Variants in SLC25A33 observed in about 807,000 individuals in gnomAD.
The protein encoded by SLC25A33 is solute carrier family 25 member 33, also known as bone marrow stromal cell mitochondrial carrier protein.
Under a neutral mutation model 35.5 loss-of-function variants are expected in SLC25A33, and 15 were observed. The observed-to-expected ratio is 0.42, with a 90% confidence interval of 0.28 to 0.65. The LOEUF (loss-of-function observed/expected upper bound fraction) is 0.65. Ranked by LOEUF, SLC25A33 falls within the 30% of genes least tolerant of loss-of-function variation. The pLI is 0.20. For synonymous variants in SLC25A33, 136 were observed against 148.7 expected (o/e 0.91, Z 0.62); for missense variants, 257 against 398.5 (o/e 0.64, Z 3.02).
chr1:9,579,883 C>T (rs1413005504), intron 5 of SLC25A33, 71 bp from the exon 6 acceptor site: 12 of 1,519,176 alleles, frequency 7.9e-6, no homozygotes, highest in East Asian at 6.8e-5. Context: ...TACCTGTTCT[C>T]CTACTGTGTG....
chr1:9,567,258 A>T (rs1643521536), intron 2 of SLC25A33, 26 bp from the exon 3 acceptor site: 1 of 1,606,244 alleles, frequency 6.2e-7, no homozygotes, highest in African/African-American at 1.3e-5. Context: ...AGGGGTTTTA[A>T]AGGTTTGTCT....
chr1:9,547,164 G>C (rs890749106), intron 1 of SLC25A33, among the ~76,000 whole-genome samples: 5 of 152,072 alleles, frequency 3.3e-5, no homozygotes, highest in Non-Finnish European at 5.9e-5. Context: ...TAAGAAATTA[G>C]GGATCTTCGC....
intron 5 of SLC25A33, chr1:9,576,939 G>C: frequency 1.5e-6 from 2 of 1,293,456 alleles, no homozygotes; most frequent in South Asian, 2.4e-5. Flanking sequence ...TTTGGGGATG[G>C]TATCTATGTC....
intron 1 of SLC25A33, among the ~76,000 whole-genome samples, chr1:9,550,565 T>C (rs1009360545): frequency 6.6e-6 from 1 of 152,178 alleles, no homozygotes; most frequent in South Asian, 2.1e-4. Context: ...TATCTTTAAA[T>C]GTTATACTTT....
At chr1:9,539,983 C>T (rs1643052724) in intron 1 of SLC25A33, among the ~76,000 whole-genome samples, 1 of 152,158 alleles carries the variant, frequency 6.6e-6, no homozygotes. Context: ...TGCCCCGCCG[C>T]CCGTCCTCCC....
At chr1:9,575,180 T>A (rs1569875112) in intron 5 of SLC25A33, among the ~76,000 whole-genome samples, 1 of 125,106 alleles carries the variant, frequency 8.0e-6, no homozygotes, top group Non-Finnish European at 1.6e-5. Context: ...GCCACTGCAC[T>A]CCAGCCTGGG....
At position 9,582,398 on chromosome 1, in the gene SLC25A33, A is replaced by G; in HGVS notation, c.863A>G (p.Tyr288Cys). Residue 288 changes from tyrosine to cysteine, a missense_variant, in exon 7 of 7, where the codon TAT becomes TGT. Coordinates refer to ENST00000302692, the MANE Select transcript of SLC25A33 (RefSeq NM_032315.3). This position sits in a 1 kb window ranked among gnomAD's most constrained non-coding sequence, Gnocchi z 4.0. Reference protein sequence around the residue: ...VFREEGYLAFYRGLFAQLIRQ... With the variant: ...VFREEGYLAFCRGLFAQLIRQ... ...CGGGAAGAAGGCTACCTTGCCTTTT[A>G]TAGAGGACTGTTTGCCCAGCTTATC... 1.2e-6 allele frequency: 2 copies of G among 1,614,012 alleles called. No individual in the cohort carries two copies. The highest frequency in any genetic ancestry group is 1.7e-6 in the Non-Finnish European group (2 of 1,179,872).
chr1:9,552,699 A>G (rs1427163177), intron 1 of SLC25A33, among the ~76,000 whole-genome samples: 2 of 152,170 alleles, frequency 1.3e-5, no homozygotes, highest in African/African-American at 4.8e-5. Context: ...AATGTCCAAC[A>G]GTAGGAAATT....
chr1:9,573,648 C>G (rs1643620626), intron 5 of SLC25A33, among the ~76,000 whole-genome samples: 1 of 152,084 alleles, frequency 6.6e-6, no homozygotes, highest in Non-Finnish European at 1.5e-5. Flanking sequence ...TGGTTGTGTC[C>G]CCTGATCCGC....
chr1:9,546,286 G>C (rs1026192146), intron 1 of SLC25A33, among the ~76,000 whole-genome samples: 1 of 142,542 alleles, frequency 7.0e-6, no homozygotes, highest in Admixed American at 7.5e-5. Context: ...CCGGGTTCAC[G>C]CCATTCTCCT....
chr1:9,577,594 G>A (rs890562272), intron 5 of SLC25A33, among the ~76,000 whole-genome samples: 1 of 152,198 alleles, frequency 6.6e-6, no homozygotes, highest in African/African-American at 2.4e-5. Context: ...GGGAGTTATG[G>A]AAGAATAAGG....
At chr1:9,577,119 G>A (rs1306553304) in intron 5 of SLC25A33, 1 of 489,900 alleles carries the variant, frequency 2.0e-6, no homozygotes, top group Non-Finnish European at 3.7e-6. Flanking sequence ...GCAGAGAAGA[G>A]TCTTTTGGGC....
At chr1:9,546,110 A>G (rs1244439162) in intron 1 of SLC25A33, among the ~76,000 whole-genome samples, 1 of 151,504 alleles carries the variant, frequency 6.6e-6, no homozygotes, top group African/African-American at 2.4e-5. Context: ...AATTGTTCCT[A>G]GCTTTCCTCC....
intron 2 of SLC25A33, among the ~76,000 whole-genome samples, chr1:9,561,132 CG>C (rs1202817380): frequency 6.6e-6 from 1 of 151,912 alleles, no homozygotes; most frequent in Non-Finnish European, 1.5e-5. Flanking sequence ...TTAGTAGAGA[CG>C]GGGTTTCAGC....
chr1:9,583,515 A>T lies in SLC25A33; in HGVS notation c.*1014A>T, dbSNP rs886842599. On this transcript the variant is annotated 3_prime_UTR_variant, in exon 7 of 7. Transcript: ENST00000302692. ...GAAGTTAAGACCAGTTGCCTTGTTA[A>T]GTGTGTTGACAGCACAGCTACCCTG... 6.6e-6 allele frequency: 1 copy of T among 152,160 alleles called. No individual in the cohort carries two copies. Among genetic ancestry groups the T allele is most frequent in the African/African-American group, 2.4e-5 (1 of 41,424 alleles). 9.4% of individuals were successfully genotyped at this position (152,160 alleles called of 1,614,324 possible).
intron 4 of SLC25A33, among the ~76,000 whole-genome samples, chr1:9,571,528 C>T (rs1051690108): frequency 1.3e-5 from 2 of 152,130 alleles, no homozygotes; most frequent in Non-Finnish European, 2.9e-5. Context: ...CTGCCTGCCT[C>T]GGCCTCCCAA....
At chr1:9,567,822 T>C (rs1643533343) in intron 3 of SLC25A33, among the ~76,000 whole-genome samples, 1 of 152,224 alleles carries the variant, frequency 6.6e-6, no homozygotes, top group South Asian at 2.1e-4. Flanking sequence ...TAAAATGACA[T>C]CCTCATATCT....
chr1:9,543,198 CAGT>C lies in SLC25A33; in HGVS notation c.56+3452_56+3454del, dbSNP rs545751516. 2.1e-3 allele frequency among the ~76,000 whole-genome samples: 314 copies of C among 152,088 alleles called. 2 individuals are homozygous for C. The highest frequency in any genetic ancestry group is 7.3e-3 in the African/African-American group (302 of 41,460). On this transcript the variant is annotated intron_variant, in intron 1 of 6. Transcript: ENST00000302692. ...CAGTCTTGTTGCCCAGGCTGGAGTG[CAGT>C]GGTGCGATCTCAGCTCACTGCAACC... is the stretch of plus-strand genomic sequence containing the variant.
chr1:9,539,740 G>A lies in SLC25A33; in HGVS notation c.49G>A (p.Ala17Thr). 1 of 1,404,210 alleles carries A rather than the reference G, an allele frequency of 7.1e-7. No individual in the cohort carries two copies. Among genetic ancestry groups the A allele is most frequent in the Non-Finnish European group, 9.3e-7 (1 of 1,076,964 alleles). 87.0% of individuals were successfully genotyped at this position (1,404,210 alleles called of 1,614,324 possible). A position where few individuals can be genotyped will look rare whatever the true frequency, so the allele number is the denominator to read the frequency against. The change falls in exon 1 of 7, where the codon GCC becomes ACC. Residue 17 changes from alanine (A) to threonine (T), a missense_variant. Ala to Thr is a moderately conservative substitution (Grantham distance 58). Coordinates refer to ENST00000302692, the MANE Select transcript of SLC25A33 (RefSeq NM_032315.3). The stretch of plus-strand genomic sequence containing the variant: ...GGAGAACACGCTGCTTCACCTCTTC[G>A]CCGGCGGGTGAGTTCCCGGGCCCAG... ...QKENTLLHLFAGGCGGTVGAI... is the reference protein window; with the variant it reads ...QKENTLLHLFTGGCGGTVGAI...
Sources: allele counts gnomAD v4.1 joint callset (sites outside exome capture counted in the v4.1 genomes callset), GRCh38; gene constraint gnomAD v4.1.1; non-coding constraint Gnocchi (gnomAD v3.1); transcripts MANE v1.5; gene names NCBI Gene and HGNC (gene_info 2026-07-23, HGNC 2026-07-21).